THOC7: variants seen among roughly 807,000 people sequenced by gnomAD.
The protein encoded by THOC7 is NIF3L1-binding protein 1.
In THOC7, 22 loss-of-function variants were observed where a neutral mutation model predicts 33.1. The observed-to-expected ratio is 0.66, with a 90% CI of 0.47 to 0.95. The LOEUF is 0.95. Ranked by LOEUF, THOC7 falls within the 40% of genes least tolerant of loss-of-function variation. The pLI is 0.00. For synonymous variants in THOC7, 77 were observed against 76.8 expected (o/e 1.00, Z -0.01); for missense variants, 184 against 245.3 (o/e 0.75, Z 1.67).
intron 1 of THOC7, among the ~76,000 whole-genome samples, chr3:63,843,597 T>A (rs1017312373): frequency 6.6e-6 from 1 of 152,004 alleles, no homozygotes; most frequent in Non-Finnish European, 1.5e-5. Context: ...TACCAACAGA[T>A]GAATGAATTA....
intron 1 of THOC7, among the ~76,000 whole-genome samples, chr3:63,840,807 G>T (rs933488656): frequency 6.6e-6 from 1 of 152,160 alleles, no homozygotes; most frequent in African/African-American, 2.4e-5. Flanking sequence ...GTTGGCAAGG[G>T]TGTTAGAAAA....
At chr3:63,851,706 CAAG>C (rs1169239154) in intron 1 of THOC7, among the ~76,000 whole-genome samples, 2 of 152,192 alleles carry the variant, frequency 1.3e-5, no homozygotes, top group Non-Finnish European at 2.9e-5. Flanking sequence ...CCCCAACTTA[CAAG>C]AAGAGTAGCT....
intron 1 of THOC7, among the ~76,000 whole-genome samples, chr3:63,856,384 CAACTA>C (rs1346768741): frequency 6.6e-6 from 1 of 151,804 alleles, no homozygotes; most frequent in Admixed American, 6.6e-5. Context: ...CATTTTATAC[CAACTA>C]AAAGAGCATA....
rs202003417 is a variant in THOC7 at position 63,835,317 on chromosome 3, C to T, written c.477+7G>A. The T allele has an allele frequency of 2.5e-4, 404 of 1,613,284 alleles. 1 individual carries two copies. In the Middle Eastern group the frequency reaches 5.1e-3, roughly 20 times the overall value. On this transcript the variant is annotated splice_region_variant and intron_variant, in intron 6 of 7. Coordinates refer to ENST00000295899, the MANE Select transcript of THOC7 (RefSeq NM_025075.4). ...AGATCATGAAGGCTAAATATATATG[C>T]GAATACCTTATCTTCAACACTTTCT...
At chr3:63,840,074 C>T (rs767984210) in intron 1 of THOC7, among the ~76,000 whole-genome samples, 1 of 152,022 alleles carries the variant, frequency 6.6e-6, no homozygotes, top group African/African-American at 2.4e-5. Flanking sequence ...GAAAAGACAT[C>T]GTTACAGAGT....
intron 1 of THOC7, among the ~76,000 whole-genome samples, chr3:63,849,909 TA>T (rs565522618): frequency 5.0e-4 from 76 of 152,204 alleles, no homozygotes; most frequent in Non-Finnish European, 1.0e-3. Context: ...CAACTCGATG[TA>T]AATTTCAAGG....
intron 1 of THOC7, among the ~76,000 whole-genome samples, chr3:63,846,785 C>G (rs1317274830): frequency 6.6e-6 from 1 of 152,032 alleles, no homozygotes; most frequent in African/African-American, 2.4e-5. Context: ...CTAGGGAGCC[C>G]CACATGGATG....
At chr3:63,851,795 G>C (rs970657162) in intron 1 of THOC7, among the ~76,000 whole-genome samples, 1 of 152,150 alleles carries the variant, frequency 6.6e-6, no homozygotes, top group Admixed American at 6.5e-5. Flanking sequence ...GCCAGCCTCT[G>C]CTCCTCGGCT....
At chr3:63,863,287 C>G (rs1309281500) in intron 1 of THOC7, 5 of 264,414 alleles carry the variant, frequency 1.9e-5, no homozygotes, top group Non-Finnish European at 2.9e-5. Context: ...ATTCCCGCCC[C>G]GTCCCTGGAG....
chr3:63,838,073 A>G lies in THOC7; in HGVS notation c.266-11T>C, dbSNP rs573529469. 2.7e-5 allele frequency: 43 copies of G among 1,582,234 alleles called. No individual in the cohort carries two copies. In the South Asian group the frequency reaches 4.6e-4, roughly 17 times the overall value. On this transcript the variant is annotated splice_polypyrimidine_tract_variant and intron_variant, in intron 3 of 7. Coordinates refer to ENST00000295899, the MANE Select transcript of THOC7 (RefSeq NM_025075.4). ...CAGCTATGCTACATTCTATATGAGA[A>G]GGTTTTTTAAAAGATAGTTGTAACA...
At chr3:63,860,789 C>A (rs923078215) in intron 1 of THOC7, 3 of 152,092 alleles carry the variant, frequency 2.0e-5, no homozygotes, top group Non-Finnish European at 2.9e-5. Context: ...CAGTGAACTG[C>A]CTTAAATGTT....
intron 1 of THOC7, chr3:63,863,343 C>A (rs1159172311): frequency 7.1e-6 from 5 of 702,982 alleles, no homozygotes; most frequent in Non-Finnish European, 8.8e-6. Context: ...GGCCCCCAGC[C>A]CTAAGCCCGG....
intron 1 of THOC7, among the ~76,000 whole-genome samples, chr3:63,854,003 T>G (rs1034615387): frequency 1.3e-5 from 2 of 152,212 alleles, no homozygotes; most frequent in African/African-American, 4.8e-5. Context: ...TCTATGTAGA[T>G]ACATATTAGG....
intron 2 of THOC7, 101 bp downstream of exon 2, chr3:63,839,555 A>C: frequency 6.1e-6 from 6 of 987,190 alleles, no homozygotes; most frequent in Non-Finnish European, 9.7e-6. Flanking sequence ...TCCACTGTAC[A>C]TTTAAGGTGA....
intron 1 of THOC7, among the ~76,000 whole-genome samples, chr3:63,850,655 C>T (rs554691083): frequency 2.8e-5 from 4 of 145,262 alleles, no homozygotes; most frequent in East Asian, 2.0e-4. Context: ...GGCACAATCT[C>T]GGCTCACTGC....
intron 1 of THOC7, chr3:63,845,087 T>C (rs1480560200): frequency 5.7e-6 from 4 of 696,546 alleles, no homozygotes. Flanking sequence ...GAAAAGGTGA[T>C]GCTAACCTTC....
chr3:63,839,839 TC>T, intron 1 of THOC7, 66 bp from the exon 2 acceptor site: 5 of 1,283,896 alleles, frequency 3.9e-6, no homozygotes, highest in Non-Finnish European at 5.6e-6. Flanking sequence ...ATAACCAGTA[TC>T]ACTGTTCATT....
chr3:63,863,793 C>G lies in THOC7; in HGVS notation c.-3G>C. 8.0e-7 allele frequency: 1 copy of G among 1,249,914 alleles called. No individual in the cohort carries two copies. The highest frequency in any genetic ancestry group is 9.9e-7 in the Non-Finnish European group (1 of 1,005,578). 77.4% of individuals were successfully genotyped at this position (1,249,914 alleles called of 1,614,324 possible). On this transcript the variant is annotated 5_prime_UTR_variant, in exon 1 of 8. Coordinates refer to ENST00000295899, the MANE Select transcript of THOC7 (RefSeq NM_025075.4). ...TCACCGTCAGTCACGGCTCCCATGG[C>G]GTGCGCGGCGGCGGCGGCGGCGGCG... is the stretch of plus-strand genomic sequence containing the variant.
intron 1 of THOC7, among the ~76,000 whole-genome samples, chr3:63,852,699 T>C (rs182534009): frequency 2.2e-4 from 34 of 152,246 alleles, no homozygotes; most frequent in Admixed American, 2.2e-3. Context: ...GGTAGGAAAC[T>C]GGGAGTTGCT....
Sources: allele counts gnomAD v4.1 joint callset (sites outside exome capture counted in the v4.1 genomes callset), GRCh38; gene constraint gnomAD v4.1.1; transcripts MANE v1.5; gene names NCBI Gene and HGNC (gene_info 2026-07-23, HGNC 2026-07-21).